CEP104: variants seen among roughly 807,000 people sequenced by gnomAD.
CEP104 encodes the protein centrosomal protein of 104 kDa.
CEP104 carries 84 observed loss-of-function variants against 113.3 expected under a neutral mutation model. The observed-to-expected ratio is 0.74, with a 90% confidence interval of 0.62 to 0.89. The LOEUF (loss-of-function observed/expected upper bound fraction) is 0.89. Among genes scored for constraint, CEP104 ranks in the 40% least tolerant of loss-of-function variants. The probability of loss-of-function intolerance (pLI) is 0.00; values close to 1 mark genes in which losing one functional copy is unlikely to be tolerated. For synonymous variants in CEP104, 378 were observed against 421.7 expected, an observed-to-expected ratio of 0.90 and a Z score of 1.27; for missense variants, 1,053 against 1,156.6, an observed-to-expected ratio of 0.91 and a Z score of 1.30.
At chr1:3,834,775 G>T in intron 11 of CEP104, 150 bp downstream of exon 11, 1 of 679,896 alleles carries the variant, frequency 1.5e-6, no homozygotes, top group Non-Finnish European at 2.4e-6. Flanking sequence ...TCTTGCTAGA[G>T]AACCTCATTT....
At position 3,836,692 on chromosome 1, in the gene CEP104, C is replaced by T. The variant is rs776491676; in HGVS notation, c.1120G>A (p.Ala374Thr). 3 of 1,613,246 alleles carry T rather than the reference C, an allele frequency of 1.9e-6. No individual in the cohort carries two copies. Among genetic ancestry groups the T allele is most frequent in the Non-Finnish European group, 1.7e-6 (2 of 1,179,986 alleles). ...PATDPHPKIN[A>T]ESLPYDERPL... Reference sequence around the variant, plus strand: ...CGCTCATCGTAGGGCAGGGACTCTGCCTGCAGTGAGTGAAGGAGAGAGGAA... The same window carrying T: ...CGCTCATCGTAGGGCAGGGACTCTGTCTGCAGTGAGTGAAGGAGAGAGGAA... Residue 374 changes from alanine to threonine, a missense_variant and splice_region_variant, in exon 10 of 22, where the codon GCA becomes ACA. By Grantham distance (58) the Ala-to-Thr change is moderately conservative (BLOSUM62 0). Coordinates refer to ENST00000378230, the MANE Select transcript of CEP104 (RefSeq NM_014704.4).
Position 3,823,546 on chromosome 1 carries a change from C to T in CEP104, c.2381G>A (p.Ser794Asn), listed in dbSNP as rs776174886. The change falls in exon 19 of 22, where the codon AGT becomes AAT. Residue 794 changes from serine (S) to asparagine (N), a missense_variant. Coordinates refer to ENST00000378230, the MANE Select transcript of CEP104 (RefSeq NM_014704.4). The surrounding 1 kb of genome is among the most constrained non-coding windows in gnomAD (Gnocchi z 4.1). ...DHCKQVVEIS[S>N]LTEHLLTECD... ...TTCCGTCAGCAAGTGCTCCGTCAGA[C>T]TGGATATCTCGACCACCTGGATTTC... The T allele has an allele frequency of 1.4e-5, 23 of 1,614,258 alleles. No individual in the cohort carries two copies. In the East Asian group the frequency reaches 4.5e-4, roughly 31 times the overall value.
rs1274648782 is a variant in CEP104 at position 3,855,992 on chromosome 1, T to C, written c.-15+897A>G. On this transcript the variant is annotated intron_variant, in intron 1 of 21. Transcript: ENST00000378230. ...TGGCGGTCTCATCCCTCACTACACTTTTCCTAGTGCTGGCATGGTAAAAGG... is the reference window on the plus strand; with the variant it reads ...TGGCGGTCTCATCCCTCACTACACTCTTCCTAGTGCTGGCATGGTAAAAGG... 4.1e-6 allele frequency: 4 copies of C among 964,850 alleles called. No homozygotes were observed. The South Asian group carries it at 1.4e-4, about 35-fold the overall frequency. 59.8% of individuals were successfully genotyped at this position (964,850 alleles called of 1,614,324 possible).
rs566493232 is a variant in CEP104, at chr1:3,834,361, C to T, written c.1486-326G>A. ...CCTGCTTCAATGGGTAAGCCCAAAT[C>T]TTCCCTTCATACCGAGTATCTAACA... On this transcript the variant is annotated intron_variant, in intron 11 of 21. Transcript: ENST00000378230. Among the ~76,000 whole-genome samples the T allele has an allele frequency of 6.6e-4, 100 of 150,854 alleles. 2 individuals are homozygous for T. In the South Asian group the frequency reaches 0.021, roughly 32 times the overall value.
chr1:3,836,359 G>C lies in CEP104; in HGVS notation c.1317+136C>G. On this transcript the variant is annotated intron_variant, in intron 10 of 21. Coordinates refer to ENST00000378230, the MANE Select transcript of CEP104 (RefSeq NM_014704.4). ...GACTTTCCAATTCAGGAAGAACAAA[G>C]GGAAGTCAACAATATTACAAATGCA... The C allele has an allele frequency of 2.4e-5, 21 of 882,650 alleles. No homozygotes were observed. The South Asian group carries it at 3.6e-4, about 15-fold the overall frequency. The allele number at this position is 882,650 out of a possible 1,614,324, so 54.7% of individuals were successfully genotyped here. A position where few individuals can be genotyped will look rare whatever the true frequency, so the allele number is the denominator to read the frequency against.
At chr1:3,848,538 A>AAAAAC in intron 3 of CEP104, 70 bp downstream of exon 3, 1 of 1,381,830 alleles carries the variant, frequency 7.2e-7, no homozygotes, top group Admixed American at 2.4e-5. Flanking sequence ...TCTCAAAAAA[A>AAAAAC]AAAAAAAAAG....
chr1:3,842,779 T>C (rs1250979661), intron 6 of CEP104, among the ~76,000 whole-genome samples: 1 of 152,174 alleles, frequency 6.6e-6, no homozygotes, highest in Non-Finnish European at 1.5e-5. Flanking sequence ...AATTCCTCTT[T>C]ATTTAAAATT....
chr1:3,844,724 A>G (rs1031109922), intron 6 of CEP104, among the ~76,000 whole-genome samples, 183 bp downstream of exon 6: 2 of 140,134 alleles, frequency 1.4e-5, no homozygotes, highest in African/African-American at 5.1e-5. Flanking sequence ...AAATAAATGC[A>G]GGTGTGCTAA....
At chr1:3,836,957 T>C in intron 9 of CEP104, 1 of 515,424 alleles carries the variant, frequency 1.9e-6, no homozygotes, top group Non-Finnish European at 3.4e-6. Flanking sequence ...AATGACTGTT[T>C]ACTGGTAGCA....
At position 3,812,890 on chromosome 1, in the gene CEP104, A is replaced by G. The variant is rs1266877499; in HGVS notation, c.*2512T>C. Reference sequence around the variant, plus strand: ...AAACAAAAACAAAAAAACAACAAAAAAACCCCCTGTAACTAACAAAAGAGG... The same window carrying G: ...AAACAAAAACAAAAAAACAACAAAAGAACCCCCTGTAACTAACAAAAGAGG... On this transcript the variant is annotated 3_prime_UTR_variant, in exon 22 of 22. Coordinates refer to ENST00000378230, the MANE Select transcript of CEP104 (RefSeq NM_014704.4). 1 of 151,880 alleles carries G rather than the reference A, an allele frequency of 6.6e-6. No individual in the cohort carries two copies. The highest frequency in any genetic ancestry group is 1.5e-5 in the Non-Finnish European group (1 of 68,012). 9.4% of individuals were successfully genotyped at this position (151,880 alleles called of 1,614,324 possible).
intron 6 of CEP104, 62 bp from the exon 7 acceptor site, chr1:3,839,838 A>AT: frequency 7.2e-7 from 1 of 1,386,288 alleles, no homozygotes; most frequent in Non-Finnish European, 1.0e-6. Context: ...AGTGCTGAAG[A>AT]TGCACGGTTG....
chr1:3,849,044 T>C (rs1479113162), intron 2 of CEP104, among the ~76,000 whole-genome samples: 1 of 152,140 alleles, frequency 6.6e-6, no homozygotes, highest in Non-Finnish European at 1.5e-5. Context: ...AGCTAGTAAA[T>C]GGTCTGATGT....
At chr1:3,824,911 T>C (rs111449448) in intron 18 of CEP104, among the ~76,000 whole-genome samples, 2,203 of 93,364 alleles carry the variant, frequency 0.024, 73 homozygotes, top group African/African-American at 0.094. Flanking sequence ...GCAGTGGCAC[T>C]GTGGGAAGGG....
intron 10 of CEP104, among the ~76,000 whole-genome samples, chr1:3,836,073 G>A (rs1319468559): frequency 3.3e-5 from 5 of 151,774 alleles, no homozygotes; most frequent in Non-Finnish European, 7.4e-5. Flanking sequence ...AGGCCAAGGT[G>A]AGTGGATCAC....
chr1:3,850,764 T>A (rs1644595791), intron 2 of CEP104, among the ~76,000 whole-genome samples: 1 of 152,192 alleles, frequency 6.6e-6, no homozygotes, highest in South Asian at 2.1e-4. Flanking sequence ...GGCACACAGA[T>A]CCTTTTCTTG....
intron 21 of CEP104, 123 bp from the exon 22 acceptor site, chr1:3,815,640 A>C: frequency 1.5e-6 from 1 of 645,334 alleles, no homozygotes; most frequent in Non-Finnish European, 2.6e-6. Flanking sequence ...CCGTCACCCG[A>C]CTACAGGAGC....
chr1:3,832,666 T>C (rs1345210536), intron 12 of CEP104, among the ~76,000 whole-genome samples: 1 of 152,194 alleles, frequency 6.6e-6, no homozygotes, highest in Non-Finnish European at 1.5e-5. Context: ...TGGTTCCTCA[T>C]ATTTTGGAGA....
At chr1:3,821,004 G>A (rs951221154) in intron 20 of CEP104, among the ~76,000 whole-genome samples, 2 of 152,276 alleles carry the variant, frequency 1.3e-5, no homozygotes. Context: ...GTGTGCATGA[G>A]TGATGGAGCT....
intron 12 of CEP104, 54 bp downstream of exon 12, chr1:3,833,808 C>A (rs763204598): frequency 6.5e-7 from 1 of 1,546,262 alleles, no homozygotes; most frequent in East Asian, 2.3e-5. Context: ...AGCCAGAGAG[C>A]TACAGGAATA....
Sources: allele counts gnomAD v4.1 joint callset (sites outside exome capture counted in the v4.1 genomes callset), GRCh38; gene constraint gnomAD v4.1.1; non-coding constraint Gnocchi (gnomAD v3.1); transcripts MANE v1.5; gene names NCBI Gene and HGNC (gene_info 2026-07-23, HGNC 2026-07-21).